The following SHROOM3 variants were observed in gnomAD, a reference collection of about 807,000 sequenced individuals.
SHROOM3 encodes the protein shroom family member 3, also known as protein Shroom3.
Under a neutral mutation model 138.6 loss-of-function variants are expected in SHROOM3, and 47 were observed. The ratio of observed to expected loss-of-function variants is 0.34; its 90% confidence interval spans 0.27 to 0.43. SHROOM3 has a LOEUF of 0.43. SHROOM3 is among the 20% of genes least tolerant of loss of function. The pLI, the probability that SHROOM3 is intolerant of heterozygous loss-of-function variation, is 1.00. For missense variants in SHROOM3, 2,491 were observed against 2,596.5 expected (o/e 0.96, Z 0.88); for synonymous variants, 1,062 against 1,063.3 (o/e 1.00, Z 0.02).
chr4:76,506,113 C>A (rs1341874479), intron 1 of SHROOM3, among the ~76,000 whole-genome samples: 5 of 151,986 alleles, frequency 3.3e-5, no homozygotes, highest in Non-Finnish European at 7.4e-5. Context: ...TCTCAGCAAA[C>A]TAACACAAGA....
intron 4 of SHROOM3, among the ~76,000 whole-genome samples, chr4:76,734,707 C>A (rs1720982989): frequency 6.6e-6 from 1 of 151,858 alleles, no homozygotes; most frequent in Admixed American, 6.6e-5. Context: ...TTTAAACACA[C>A]AAAATAGAAT....
At chr4:76,586,443 A>C in intron 2 of SHROOM3, 1 of 985,494 alleles carries the variant, frequency 1.0e-6, no homozygotes, top group South Asian at 4.7e-5. Flanking sequence ...AGGACAATGG[A>C]CCTGCCTGGG....
intron 2 of SHROOM3, among the ~76,000 whole-genome samples, chr4:76,694,178 C>T (rs1719654271): frequency 6.6e-6 from 1 of 152,168 alleles, no homozygotes; most frequent in Non-Finnish European, 1.5e-5. Context: ...TGGTTTAATT[C>T]ATTCAGTAAA....
chr4:76,687,286 A>T (rs1207037236), intron 2 of SHROOM3, among the ~76,000 whole-genome samples: 1 of 152,158 alleles, frequency 6.6e-6, no homozygotes, highest in African/African-American at 2.4e-5. Context: ...TTAAAGCTTT[A>T]TTTCTTCATT....
intron 1 of SHROOM3, among the ~76,000 whole-genome samples, chr4:76,520,769 A>G (rs1291050325): frequency 6.6e-6 from 1 of 152,172 alleles, no homozygotes; most frequent in African/African-American, 2.4e-5. Flanking sequence ...CACATGCTAC[A>G]CCTCCTTCTA....
chr4:76,648,805 G>A (rs1735892327), intron 2 of SHROOM3, among the ~76,000 whole-genome samples: 1 of 152,186 alleles, frequency 6.6e-6, no homozygotes, highest in African/African-American at 2.4e-5. Flanking sequence ...AAGGCAACAT[G>A]TGGTGGTGGA....
rs561918300 is a variant in SHROOM3 at position 76,610,044 on chromosome 4, A to G, written c.323+54281A>G. On this transcript the variant is annotated intron_variant, in intron 2 of 10. Transcript: ENST00000296043. The stretch of plus-strand genomic sequence containing the variant: ...AGGGGAAGACTTTTCTGCAAGGAAA[A>G]TGGATTGTACTTTGTTTTCCTTCAT... Among the ~76,000 whole-genome samples the G allele has an allele frequency of 8.5e-5, 13 of 152,340 alleles. No individual in the cohort carries two copies. In the East Asian group the frequency reaches 2.3e-3, roughly 27 times the overall value.
At chr4:76,762,910 AT>A (rs1294284769) in intron 9 of SHROOM3, among the ~76,000 whole-genome samples, 1 of 152,216 alleles carries the variant, frequency 6.6e-6, no homozygotes, top group Non-Finnish European at 1.5e-5. Context: ...CTCCAGGAAG[AT>A]AAAACCTGAG....
At chr4:76,547,207 G>T (rs1158000109) in intron 1 of SHROOM3, among the ~76,000 whole-genome samples, 1 of 152,226 alleles carries the variant, frequency 6.6e-6, no homozygotes, top group Non-Finnish European at 1.5e-5. Context: ...GACAAGTGAA[G>T]TGTTACTTTA....
chr4:76,574,832 T>G (rs1733906613), intron 2 of SHROOM3, among the ~76,000 whole-genome samples: 1 of 151,968 alleles, frequency 6.6e-6, no homozygotes, highest in Non-Finnish European at 1.5e-5. Context: ...GAGGGGAGAT[T>G]AGGGAGTTTT....
chr4:76,754,381 G>C lies in SHROOM3; in HGVS notation c.3898G>C (p.Gly1300Arg). The C allele has an allele frequency of 6.2e-7, 1 of 1,614,146 alleles. No homozygotes were observed. Among genetic ancestry groups the C allele is most frequent in the Non-Finnish European group, 8.5e-7 (1 of 1,180,018 alleles). Residue 1300 changes from glycine (G) to arginine (R), a missense_variant, in exon 7 of 11, where the codon GGT becomes CGT. By Grantham distance (125) the Gly-to-Arg change is moderately radical (BLOSUM62 -2). Around this residue, in one of 4 missense-constraint regions of SHROOM3, gnomAD observed 1,733 missense variants for 1,661.6 expected, o/e 1.04. Transcript: ENST00000296043. ...CTTCCACCATCTCACCCCTCGTTGGGGTGGTTCAGGCTGCAAAGCCATTGG... is the reference window on the plus strand; with the variant it reads ...CTTCCACCATCTCACCCCTCGTTGGCGTGGTTCAGGCTGCAAAGCCATTGG... ...PLFHHLTPRW[G>R]GSGCKAIGDS...
At chr4:76,670,000 G>A (rs1440958513) in intron 2 of SHROOM3, among the ~76,000 whole-genome samples, 4 of 152,150 alleles carry the variant, frequency 2.6e-5, no homozygotes, top group African/African-American at 9.7e-5. Context: ...CCCCATTTCT[G>A]TGAATTAGGT....
rs560258820 is a variant in SHROOM3 at position 76,739,022 on chromosome 4, A to G, written c.849A>G (p.Ser283=). 237 of 1,614,224 alleles carry G rather than the reference A, an allele frequency of 1.5e-4. 4 individuals carry two copies. The South Asian group carries it at 2.5e-3, about 17-fold the overall frequency. Residue 283 remains serine (S), a synonymous_variant, in exon 5 of 11, where the codon TCA becomes TCG. Transcript: ENST00000296043. The part of the protein sequence containing the change: ...PHPGISGRER[S]GSMDNTSARG... The stretch of plus-strand genomic sequence containing the variant: ...CTGGCATCTCTGGCCGGGAGCGTTC[A>G]GGCTCCATGGACAATACTTCTGCTC...
At chr4:76,601,170 T>C (rs966912188) in intron 2 of SHROOM3, among the ~76,000 whole-genome samples, 2 of 152,184 alleles carry the variant, frequency 1.3e-5, no homozygotes, top group African/African-American at 2.4e-5. Flanking sequence ...AGTTAAAAAT[T>C]TACATCAGTG....
At chr4:76,590,025 C>T (rs1734231958) in intron 2 of SHROOM3, among the ~76,000 whole-genome samples, 2 of 152,132 alleles carry the variant, frequency 1.3e-5, no homozygotes, top group Admixed American at 6.5e-5. Context: ...TCTGTCAAAA[C>T]GGAAATCAGG....
chr4:76,591,749 T>C (rs1341673186), intron 2 of SHROOM3, among the ~76,000 whole-genome samples: 1 of 151,370 alleles, frequency 6.6e-6, no homozygotes, highest in Non-Finnish European at 1.5e-5. Context: ...AGGTTCCTAA[T>C]GACGTTTTTC....
intron 1 of SHROOM3, among the ~76,000 whole-genome samples, chr4:76,486,784 T>A (rs976304784): frequency 6.6e-6 from 1 of 152,184 alleles, no homozygotes; most frequent in African/African-American, 2.4e-5. Flanking sequence ...TGGAAATGTT[T>A]CCAGAAGTAT....
chr4:76,578,323 G>A (rs1293259621), intron 2 of SHROOM3, among the ~76,000 whole-genome samples: 1 of 152,166 alleles, frequency 6.6e-6, no homozygotes, highest in Non-Finnish European at 1.5e-5. Context: ...ATCTCAGGGG[G>A]TTTTTGTGGT....
intron 1 of SHROOM3, among the ~76,000 whole-genome samples, chr4:76,467,019 CTT>C (rs1367221228): frequency 6.7e-6 from 1 of 149,690 alleles, no homozygotes; most frequent in Non-Finnish European, 1.5e-5. Context: ...TATATATTAT[CTT>C]GGCCCTCCCC....
Sources: gnomAD v4.1 joint callset for allele counts (sites outside exome capture counted in the v4.1 genomes callset) on GRCh38, gnomAD v4.1.1 for gene constraint, gnomAD v4.1.1 regional missense constraint, MANE v1.5 for transcripts, NCBI Gene and HGNC (gene_info 2026-07-23, HGNC 2026-07-21) for gene names.